The following RHPN2 variants were observed in gnomAD, a reference collection of about 807,000 sequenced individuals.
The protein encoded by RHPN2 is rhophilin-2.
Under a neutral mutation model 79.0 loss-of-function variants are expected in RHPN2, and 40 were observed. The observed-to-expected ratio is 0.51, with a 90% CI of 0.39 to 0.66. The LOEUF (loss-of-function observed/expected upper bound fraction) is 0.66. Ranked by LOEUF, RHPN2 falls within the 30% of genes least tolerant of loss-of-function variation. RHPN2 has a pLI of 0.00. For missense variants in RHPN2, 686 were observed against 883.5 expected, an observed-to-expected ratio of 0.78 and a Z score of 2.83; for synonymous variants, 285 against 363.5, an observed-to-expected ratio of 0.78 and a Z score of 2.46.
chr19:33,035,602 AGAG>A, intron 2 of RHPN2, among the ~76,000 whole-genome samples: 1 of 151,922 alleles, frequency 6.6e-6, no homozygotes, highest in East Asian at 1.9e-4. Flanking sequence ...GGTGTAGGTC[AGAG>A]GCGTTCGAAG....
intron 1 of RHPN2, among the ~76,000 whole-genome samples, chr19:33,051,337 C>T (rs965690277): frequency 1.3e-5 from 2 of 152,102 alleles, no homozygotes; most frequent in Non-Finnish European, 2.9e-5. Flanking sequence ...CCTTAATGTA[C>T]AGTCAGATTG....
rs202012367 is a variant in RHPN2, at chr19:32,996,009, C to T, written c.1420+17G>A. ...CACAGGCACCCCCACAGAGGGAACA[C>T]AGTCTAGGCTACTCACCAACAACAC... is the stretch of plus-strand genomic sequence containing the variant. On this transcript the variant is annotated intron_variant, in intron 11 of 14. Transcript: ENST00000254260. The T allele has an allele frequency of 1.5e-4, 235 of 1,613,852 alleles. No homozygotes were observed. The highest frequency in any genetic ancestry group is 1.2e-3 in the Middle Eastern group (7 of 6,056).
At chr19:33,049,425 G>A (rs1972169703) in intron 1 of RHPN2, among the ~76,000 whole-genome samples, 1 of 152,108 alleles carries the variant, frequency 6.6e-6, no homozygotes, top group Non-Finnish European at 1.5e-5. Flanking sequence ...GACAGGGATT[G>A]GTTCTCAACA....
At chr19:33,001,795 G>C (rs1327022526) in intron 9 of RHPN2, among the ~76,000 whole-genome samples, 6 of 152,034 alleles carry the variant, frequency 3.9e-5, no homozygotes, top group Non-Finnish European at 8.8e-5. Context: ...GTAGAGACAG[G>C]GTTTCACCAT....
At chr19:33,005,140 G>A (rs1001886836) in intron 7 of RHPN2, among the ~76,000 whole-genome samples, 5 of 151,630 alleles carry the variant, frequency 3.3e-5, no homozygotes, top group Admixed American at 2.0e-4. Flanking sequence ...CTGGCCAGGC[G>A]TGGTGGCTCA....
intron 1 of RHPN2, 29 bp downstream of exon 1, chr19:33,064,755 T>TTGGGCC: frequency 7.0e-7 from 1 of 1,427,948 alleles, no homozygotes; most frequent in Non-Finnish European, 9.4e-7. Context: ...AGCCCGCAGG[T>TTGGGCC]CCCCGCCCGC....
At position 33,002,845 on chromosome 19, in the gene RHPN2, T is replaced by C; in HGVS notation, c.916A>G (p.Met306Val). Residue 306 changes from methionine to valine, a missense_variant, in exon 8 of 15, where the codon ATG becomes GTG. By Grantham distance (21) the Met-to-Val change is conservative. Transcript: ENST00000254260. ...GCCTCCTGAGCCACCTTCACCAGCA[T>C]GAAGAATTCATTCCGGATCCCAGGA... ...SLPGIRNEFF[M>V]LVKVAQEAAK... 1.2e-6 allele frequency: 2 copies of C among 1,613,896 alleles called. No individual in the cohort carries two copies. The highest frequency in any genetic ancestry group is 4.5e-5 in the East Asian group (2 of 44,858).
At chr19:32,986,702 G>A (rs1042481264) in intron 14 of RHPN2, among the ~76,000 whole-genome samples, 2 of 150,854 alleles carry the variant, frequency 1.3e-5, no homozygotes, top group African/African-American at 4.9e-5. Context: ...GCTGAGGCAG[G>A]AGAATCACTT....
At chr19:33,064,703 G>T in intron 1 of RHPN2, 81 bp downstream of exon 1, 1 of 1,403,546 alleles carries the variant, frequency 7.1e-7, no homozygotes, top group Admixed American at 2.2e-5. Context: ...CCGACTGCGC[G>T]CTCCCACGGC....
rs1599813613 is a variant in RHPN2 at position 33,003,053 on chromosome 19, A to G, written c.761-53T>C. On this transcript the variant is annotated intron_variant, in intron 7 of 14. Transcript: ENST00000254260. Reference sequence around the variant, plus strand: ...AGTTCGGGTTCATATTTACTTCATCACGTTGCTATAGAGAAAGATAGGAGG... The same window carrying G: ...AGTTCGGGTTCATATTTACTTCATCGCGTTGCTATAGAGAAAGATAGGAGG... 13 of 1,538,440 alleles carry G rather than the reference A, an allele frequency of 8.5e-6. No homozygotes were observed. The East Asian group carries it at 2.5e-4, about 30-fold the overall frequency.
rs758073522 is a variant in RHPN2, at chr19:32,988,212, CAA to C, written c.1800+2300_1800+2301del. Among the ~76,000 whole-genome samples the C allele has an allele frequency of 6.4e-3, 884 of 138,748 alleles. 13 individuals are homozygous for C. The highest frequency in any genetic ancestry group is 0.024 in the African/African-American group (826 of 34,590). The allele number at this position is 138,748 out of a possible 152,430, so 91.0% of individuals were successfully genotyped here. Reference sequence around the variant, plus strand: ...GACCCTGTCTCAAAAACAACAACAACAAAAAAAAAAACAAAACAAACAAAACA... The same window carrying C: ...GACCCTGTCTCAAAAACAACAACAACAAAAAAAAACAAAACAAACAAAACA... On this transcript the variant is annotated intron_variant, in intron 14 of 14. Coordinates refer to ENST00000254260, the MANE Select transcript of RHPN2 (RefSeq NM_033103.5).
chr19:33,004,908 T>C (rs1971778187), intron 7 of RHPN2, among the ~76,000 whole-genome samples: 1 of 151,754 alleles, frequency 6.6e-6, no homozygotes, highest in Non-Finnish European at 1.5e-5. Context: ...TTTTTAAAAA[T>C]TGGATTACCT....
chr19:33,034,029 T>G (rs1235082090), intron 2 of RHPN2, among the ~76,000 whole-genome samples: 1 of 151,966 alleles, frequency 6.6e-6, no homozygotes, highest in East Asian at 1.9e-4. Flanking sequence ...CAAAACATTT[T>G]TTTTTTTAAT....
intron 2 of RHPN2, among the ~76,000 whole-genome samples, chr19:33,031,410 C>G (rs1287115186): frequency 6.6e-6 from 1 of 151,860 alleles, no homozygotes; most frequent in East Asian, 2.0e-4. Context: ...CAGGCATGCA[C>G]CACCACACCC....
chr19:33,005,412 CAAAAAAAAAAAAAA>C (rs766044835), intron 7 of RHPN2, among the ~76,000 whole-genome samples: 1 of 62,726 alleles, frequency 1.6e-5, no homozygotes, highest in Non-Finnish European at 2.8e-5. Context: ...GATTCTGTCT[CAAAAAAAAAAAAAA>C]AAAAAAAAAA....
chr19:33,027,793 G>GT (rs1174233302), intron 2 of RHPN2, among the ~76,000 whole-genome samples: 1 of 152,058 alleles, frequency 6.6e-6, no homozygotes, highest in African/African-American at 2.4e-5. Context: ...TGAAAACACT[G>GT]TGACAAAATC....
At chr19:32,996,851 T>C (rs1257404848) in intron 10 of RHPN2, among the ~76,000 whole-genome samples, 2 of 152,152 alleles carry the variant, frequency 1.3e-5, no homozygotes, top group African/African-American at 4.8e-5. Context: ...TCTCTATAAC[T>C]CGCTTGGTTA....
intron 14 of RHPN2, among the ~76,000 whole-genome samples, chr19:32,980,766 G>A (rs1255617149): frequency 2.6e-5 from 4 of 152,130 alleles, no homozygotes; most frequent in African/African-American, 9.7e-5. Flanking sequence ...CGATCTTCCT[G>A]CCTTGGCCTC....
intron 11 of RHPN2, among the ~76,000 whole-genome samples, chr19:32,994,975 A>AC (rs966112420): frequency 6.6e-6 from 1 of 152,122 alleles, no homozygotes; most frequent in African/African-American, 2.4e-5. Flanking sequence ...AAACAAACAA[A>AC]AAAACCTATT....
Sources: gnomAD v4.1 joint callset for allele counts (sites outside exome capture counted in the v4.1 genomes callset) on GRCh38, gnomAD v4.1.1 for gene constraint, MANE v1.5 for transcripts, NCBI Gene and HGNC (gene_info 2026-07-23, HGNC 2026-07-21) for gene names.